The following MTCL1 variants were observed in gnomAD, a reference collection of about 807,000 sequenced individuals.
MTCL1 encodes microtubule crosslinking factor 1.
Under a neutral mutation model 141.4 loss-of-function variants are expected in MTCL1, and 79 were observed. That is an observed-to-expected ratio of 0.56 (90% CI 0.47 to 0.67). The LOEUF (loss-of-function observed/expected upper bound fraction) is 0.67, where lower values mean the gene tolerates loss of function less well. Ranked by LOEUF, MTCL1 falls within the 30% of genes least tolerant of loss-of-function variation. The pLI is 0.00. For missense variants in MTCL1, 2,177 were observed against 2,113.9 expected, an observed-to-expected ratio of 1.03 and a Z score of -0.59; for synonymous variants, 914 against 875.8, an observed-to-expected ratio of 1.04 and a Z score of -0.77.
intron 4 of MTCL1, among the ~76,000 whole-genome samples, chr18:8,724,598 T>A (rs996188374): frequency 2.0e-5 from 3 of 152,156 alleles, no homozygotes; most frequent in Non-Finnish European, 4.4e-5. Flanking sequence ...CATGTCACTC[T>A]GCTTAAACAG....
chr18:8,790,480 C>G (rs1025579188), intron 7 of MTCL1, among the ~76,000 whole-genome samples: 1 of 152,128 alleles, frequency 6.6e-6, no homozygotes, highest in Non-Finnish European at 1.5e-5. Flanking sequence ...AGGAGAGCAG[C>G]CTAGGTGACC....
chr18:8,812,374 G>C (rs1450223105), intron 11 of MTCL1, among the ~76,000 whole-genome samples: 1 of 151,982 alleles, frequency 6.6e-6, no homozygotes, highest in Non-Finnish European at 1.5e-5. Flanking sequence ...ATTGTGTCTA[G>C]GTTGAGATCT....
intron 4 of MTCL1, among the ~76,000 whole-genome samples, chr18:8,751,998 T>A (rs1054915445): frequency 6.6e-6 from 1 of 152,236 alleles, no homozygotes; most frequent in Non-Finnish European, 1.5e-5. Context: ...CTGGTGTGTG[T>A]TCTGTCAAAA....
intron 11 of MTCL1, among the ~76,000 whole-genome samples, chr18:8,807,599 T>C (rs1346306426): frequency 6.6e-6 from 1 of 152,196 alleles, no homozygotes; most frequent in African/African-American, 2.4e-5. Flanking sequence ...AGCCATGTAG[T>C]GCTAGGGCAG....
At chr18:8,784,150 C>T (rs141911404) in exon 6 of MTCL1, 68 of 1,613,580 alleles carry the variant, frequency 4.2e-5, no homozygotes, top group Middle Eastern at 3.3e-4. Flanking sequence ...TGCAGATCAG[C>T]GAGCTCAGCG....
At position 8,710,610 on chromosome 18, in the gene MTCL1, G is replaced by GT. The variant is rs1419648201; in HGVS notation, c.1053+3908dup. Among the ~76,000 whole-genome samples, 603 of 145,672 alleles carry GT rather than the reference G, an allele frequency of 4.1e-3. 1 individual carries two copies. Among genetic ancestry groups the GT allele is most frequent in the African/African-American group, 9.0e-3 (360 of 39,870 alleles). ...ACACTTTAATAATTTAAAGTGATGA[G>GT]TTTTTTTTTTTCACAAAAGTTTAAG... is the stretch of plus-strand genomic sequence containing the variant. On this transcript the variant is annotated intron_variant, in intron 1 of 13. Transcript: ENST00000306329.
At chr18:8,714,889 C>T (rs534550946), upstream of MTCL1, among the ~76,000 whole-genome samples, 18 of 152,186 alleles carry the variant, frequency 1.2e-4, no homozygotes, top group African/African-American at 2.2e-4. Context: ...CTCCACCTCC[C>T]GGGTTCACGC....
intron 11 of MTCL1, chr18:8,811,230 G>A (rs1380929886): frequency 6.6e-6 from 1 of 152,296 alleles, no homozygotes; most frequent in Admixed American, 6.5e-5. Flanking sequence ...GATGTGTGCA[G>A]ATCACATGGC....
intron 10 of MTCL1, among the ~76,000 whole-genome samples, chr18:8,803,419 C>T (rs1171489640): frequency 2.0e-5 from 3 of 152,174 alleles, no homozygotes; most frequent in South Asian, 2.1e-4. Flanking sequence ...TAATTTAGTA[C>T]ATCCCCTGGC....
At chr18:8,745,032 A>T (rs1416335380) in intron 4 of MTCL1, among the ~76,000 whole-genome samples, 1 of 152,202 alleles carries the variant, frequency 6.6e-6, no homozygotes, top group Non-Finnish European at 1.5e-5. Context: ...CCAATGGAGG[A>T]TCAGAGCAGT....
intron 4 of MTCL1, among the ~76,000 whole-genome samples, chr18:8,759,840 A>G (rs564758057): frequency 6.6e-6 from 1 of 152,266 alleles, no homozygotes; most frequent in South Asian, 2.1e-4. Flanking sequence ...GGTGGCACCC[A>G]TCAGTGAGAG....
chr18:8,789,363 T>C (rs2075638012), intron 7 of MTCL1: 2 of 968,938 alleles, frequency 2.1e-6, no homozygotes, highest in Admixed American at 1.2e-4. Flanking sequence ...GCCATGGTCA[T>C]GGTGATGGAA....
At chr18:8,777,573 A>G (rs1406580517) in intron 4 of MTCL1, among the ~76,000 whole-genome samples, 2 of 152,222 alleles carry the variant, frequency 1.3e-5, no homozygotes, top group Non-Finnish European at 2.9e-5. Context: ...CTGAACACTT[A>G]AGGAATACCC....
In MTCL1 at chr18:8,822,862, A is replaced by G. The variant is rs1241611711; in HGVS notation, c.3188+1364A>G. ...TTGGAGCAACTGTACTTCACCACTC[A>G]AGCCATCAACTTTTATGCTTTCAAA... On this transcript the variant is annotated intron_variant, in intron 14 of 16. Transcript: ENST00000359865. This position sits in a 1 kb window ranked among gnomAD's most constrained non-coding sequence, Gnocchi z 4.6. Among the ~76,000 whole-genome samples the G allele has an allele frequency of 6.6e-6, 1 of 152,084 alleles. No homozygotes were observed. The highest frequency in any genetic ancestry group is 1.5e-5 in the Non-Finnish European group (1 of 68,004).
chr18:8,792,896 G>T, intron 7 of MTCL1, 102 bp from the exon 7 acceptor site: 1 of 1,484,608 alleles, frequency 6.7e-7, no homozygotes. Context: ...ATGCTGTGTC[G>T]CTCCGTGTGC....
At chr18:8,824,791 A>G in exon 15 of MTCL1, 1 of 1,614,148 alleles carries the variant, frequency 6.2e-7, no homozygotes, top group Non-Finnish European at 8.5e-7. Context: ...ACCAGCAGCA[A>G]GGAGGATGTC....
chr18:8,774,527 G>T (rs2096497687), intron 4 of MTCL1, among the ~76,000 whole-genome samples: 1 of 150,668 alleles, frequency 6.6e-6, no homozygotes, highest in Non-Finnish European at 1.5e-5. Flanking sequence ...TTACTCTGTT[G>T]CCCAGGCTGG....
At chr18:8,708,057 C>A (rs2096067508) in intron 1 of MTCL1, among the ~76,000 whole-genome samples, 1 of 152,204 alleles carries the variant, frequency 6.6e-6, no homozygotes, top group African/African-American at 2.4e-5. Context: ...AGGTAATAGA[C>A]AACGGAGTGA....
At chr18:8,818,931 G>T (rs192293312) in intron 12 of MTCL1, 32 bp from the exon 12 acceptor site, 1 of 1,586,412 alleles carries the variant, frequency 6.3e-7, no homozygotes, top group East Asian at 2.2e-5. Flanking sequence ...AGAAAAGTGA[G>T]GCTAATTATT....
Sources: allele counts gnomAD v4.1 joint callset (sites outside exome capture counted in the v4.1 genomes callset), GRCh38; gene constraint gnomAD v4.1.1; non-coding constraint Gnocchi (gnomAD v3.1); transcripts MANE v1.5; gene names NCBI Gene and HGNC (gene_info 2026-07-23, HGNC 2026-07-21).